IP6K3: variants seen among roughly 807,000 people sequenced by gnomAD.
IP6K3 encodes inositol hexakisphosphate kinase 3.
Under a neutral mutation model 28.8 loss-of-function variants are expected in IP6K3, and 20 were observed. The observed-to-expected ratio is 0.70, with a 90% CI of 0.49 to 1.01. The LOEUF (loss-of-function observed/expected upper bound fraction) is 1.01. Among genes scored for constraint, IP6K3 ranks in the 50% least tolerant of loss-of-function variants. The pLI is 0.00. For synonymous variants in IP6K3, 213 were observed against 221.3 expected (o/e 0.96, Z 0.33); for missense variants, 480 against 537.1 (o/e 0.89, Z 1.05).
chr6:33,726,840 G>A lies in IP6K3; in HGVS notation c.480C>T (p.Asp160=), dbSNP rs1300846866. The A allele has an allele frequency of 6.2e-7, 1 of 1,613,478 alleles. No homozygotes were observed. The highest frequency in any genetic ancestry group is 8.5e-7 in the Non-Finnish European group (1 of 1,179,602). The part of the protein sequence containing the change: ...LNTPAFSLVE[D]TNGNQVERKS... ...TCCTCTCAACCTGGTTTCCGTTGGTGTCTTCCACCAGCGAGAAGGCTGGAG... is the reference window on the plus strand; with the variant it reads ...TCCTCTCAACCTGGTTTCCGTTGGTATCTTCCACCAGCGAGAAGGCTGGAG... Residue 160 remains aspartate, a synonymous_variant, in exon 4 of 6, where the codon GAC becomes GAT. Coordinates refer to ENST00000293756, the MANE Select transcript of IP6K3 (RefSeq NM_054111.5).
At chr6:33,748,348 T>C (rs1367004690), upstream of IP6K3, among the ~76,000 whole-genome samples, 1 of 152,036 alleles carries the variant, frequency 6.6e-6, no homozygotes, top group African/African-American at 2.4e-5. Flanking sequence ...AGAGGTAAGA[T>C]GGGGCAGGTG....
At chr6:33,724,842 C>A (rs553957247) in intron 5 of IP6K3, among the ~76,000 whole-genome samples, 2 of 152,310 alleles carry the variant, frequency 1.3e-5, no homozygotes, top group Non-Finnish European at 2.9e-5. Context: ...ACAACATGAG[C>A]AGGAGCCACA....
intron 1 of IP6K3, among the ~76,000 whole-genome samples, chr6:33,738,698 G>A (rs564073777): frequency 3.3e-4 from 50 of 152,268 alleles, no homozygotes; most frequent in Middle Eastern, 6.8e-3. Context: ...CAGAGTGTGC[G>A]TCCCGGCCAC....
At chr6:33,755,040 T>C in the IP6K3 span, among the ~76,000 whole-genome samples, 17 of 152,304 alleles carry the variant, frequency 1.1e-4, no homozygotes, top group Admixed American at 9.8e-4. Flanking sequence ...CCTGGGAAGC[T>C]GCCGCAGCCA....
the IP6K3 span, among the ~76,000 whole-genome samples, chr6:33,761,276 C>T: frequency 5.9e-5 from 9 of 152,086 alleles, no homozygotes; most frequent in African/African-American, 2.2e-4. Flanking sequence ...GCCCACCTGC[C>T]AGGGACCCAT....
the IP6K3 span, among the ~76,000 whole-genome samples, chr6:33,761,907 G>A: frequency 1.3e-5 from 2 of 152,148 alleles, no homozygotes; most frequent in African/African-American, 4.8e-5. Context: ...GCTCAGTGCT[G>A]GGGATGGGGC....
upstream of IP6K3, among the ~76,000 whole-genome samples, chr6:33,750,896 C>T (rs1188991112): frequency 6.6e-6 from 1 of 152,170 alleles, no homozygotes; most frequent in Non-Finnish European, 1.5e-5. This position sits in a 1 kb window ranked among gnomAD's most constrained non-coding sequence, Gnocchi z 4.3. Flanking sequence ...AGACAACAAC[C>T]TCCACCTCAT....
rs1766905808 is a variant in IP6K3, at chr6:33,746,307, A to G, written c.-180+451T>C. Among the ~76,000 whole-genome samples, 1 of 152,124 alleles carries G rather than the reference A, an allele frequency of 6.6e-6. No individual in the cohort carries two copies. The highest frequency in any genetic ancestry group is 1.5e-5 in the Non-Finnish European group (1 of 68,002). ...CGTGGAAAGCTGGGGCTGCTGGGCT[A>G]GGACATGCTGTTCCTGTGCCCAGGG... On this transcript the variant is annotated intron_variant, in intron 1 of 5. Transcript: ENST00000293756. The surrounding 1 kb of genome is among the most constrained non-coding windows in gnomAD (Gnocchi z 6.5).
At chr6:33,751,052 C>T (rs1767014447), upstream of IP6K3, among the ~76,000 whole-genome samples, 1 of 152,202 alleles carries the variant, frequency 6.6e-6, no homozygotes, top group South Asian at 2.1e-4. The surrounding 1 kb of genome is among the most constrained non-coding windows in gnomAD (Gnocchi z 4.3). Flanking sequence ...CCTTCCTTCT[C>T]CTCCCCGCCG....
At chr6:33,747,360 CAGTT>C (rs1399340896), upstream of IP6K3, among the ~76,000 whole-genome samples, 1 of 152,160 alleles carries the variant, frequency 6.6e-6, no homozygotes, top group East Asian at 1.9e-4. The surrounding 1 kb of genome is among the most constrained non-coding windows in gnomAD (Gnocchi z 5.2). Context: ...AGTCAACAGT[CAGTT>C]AGACTGAGGA....
At chr6:33,757,709 G>A in the IP6K3 span, among the ~76,000 whole-genome samples, 1 of 152,126 alleles carries the variant, frequency 6.6e-6, no homozygotes. Flanking sequence ...CCAACTAAAT[G>A]TGATAGCAAA....
At chr6:33,751,960 CAGCGCTGGGT>C in the IP6K3 span, among the ~76,000 whole-genome samples, 4 of 152,178 alleles carry the variant, frequency 2.6e-5, no homozygotes, top group Non-Finnish European at 4.4e-5. The surrounding 1 kb of genome is among the most constrained non-coding windows in gnomAD (Gnocchi z 4.3). Flanking sequence ...GCTCTCCCAG[CAGCGCTGGGT>C]CATTCATCCA....
Position 33,734,549 on chromosome 6 carries a change from G to A in IP6K3, c.199+729C>T, listed in dbSNP as rs75410080. Among the ~76,000 whole-genome samples, 239 of 152,330 alleles carry A rather than the reference G, an allele frequency of 1.6e-3. 4 individuals carry two copies. In the East Asian group the frequency reaches 0.023, roughly 15 times the overall value. ...TATTTCTCTGAGCACTCACCTCACT[G>A]CTGGGCCGGCTGCCTGGCAGAGTGT... On this transcript the variant is annotated intron_variant, in intron 2 of 5. Transcript: ENST00000293756.
chr6:33,722,305 G>C lies in IP6K3; in HGVS notation c.*415C>G. On this transcript the variant is annotated 3_prime_UTR_variant, in exon 6 of 6. Transcript: ENST00000293756. The stretch of plus-strand genomic sequence containing the variant: ...GTCCATACAAGGAGAAAAACCATGA[G>C]CTCATGAACTCACTCTTCAAGGCTG... The C allele has an allele frequency of 5.9e-6, 1 of 170,516 alleles. No homozygotes were observed. Among genetic ancestry groups the C allele is most frequent in the Non-Finnish European group, 1.3e-5 (1 of 77,812 alleles). 10.6% of individuals were successfully genotyped at this position (170,516 alleles called of 1,614,324 possible). A position where few individuals can be genotyped will look rare whatever the true frequency, so the allele number is the denominator to read the frequency against.
the IP6K3 span, among the ~76,000 whole-genome samples, chr6:33,753,661 C>T: frequency 6.6e-6 from 1 of 152,210 alleles, no homozygotes; most frequent in African/African-American, 2.4e-5. Flanking sequence ...CCCATTTCAA[C>T]TGAAGCCAGG....
At position 33,722,716 on chromosome 6, in the gene IP6K3, A is replaced by G; in HGVS notation, c.*4T>C. On this transcript the variant is annotated 3_prime_UTR_variant, in exon 6 of 6. Transcript: ENST00000293756. Reference sequence around the variant, plus strand: ...CAGAAGAATCCAGATAAGCCCAGGAAGTTTCATTCTCCCTCTTGGATATCC... The same window carrying G: ...CAGAAGAATCCAGATAAGCCCAGGAGGTTTCATTCTCCCTCTTGGATATCC... The G allele has an allele frequency of 1.3e-6, 2 of 1,583,716 alleles. No individual in the cohort carries two copies. The highest frequency in any genetic ancestry group is 1.7e-6 in the Non-Finnish European group (2 of 1,158,640).
chr6:33,729,339 C>T (rs949124812), intron 2 of IP6K3, among the ~76,000 whole-genome samples: 2 of 152,200 alleles, frequency 1.3e-5, no homozygotes, highest in African/African-American at 4.8e-5. Context: ...AATACATGTC[C>T]TCTCTCCTAA....
In IP6K3 at chr6:33,742,420, A is replaced by C. The variant is rs1766758776; in HGVS notation, c.-180+4338T>G. 6.6e-6 allele frequency among the ~76,000 whole-genome samples: 1 copy of C among 152,146 alleles called. No homozygotes were observed. The highest frequency in any genetic ancestry group is 1.5e-5 in the Non-Finnish European group (1 of 68,014). ...ACCTGTGTCAGGATAGGGAGCTTTC[A>C]GAAGCTGCACCTGACTGGGCAGCAA... On this transcript the variant is annotated intron_variant, in intron 1 of 5. Transcript: ENST00000293756. This position sits in a 1 kb window ranked among gnomAD's most constrained non-coding sequence, Gnocchi z 4.5.
At chr6:33,755,978 C>T in the IP6K3 span, among the ~76,000 whole-genome samples, 17 of 152,190 alleles carry the variant, frequency 1.1e-4, no homozygotes, top group Admixed American at 8.5e-4. Flanking sequence ...AGTTCTCCTG[C>T]CTCAGCCTCC....
Sources: allele counts gnomAD v4.1 joint callset (sites outside exome capture counted in the v4.1 genomes callset), GRCh38; gene constraint gnomAD v4.1.1; non-coding constraint Gnocchi (gnomAD v3.1); transcripts MANE v1.5; gene names NCBI Gene and HGNC (gene_info 2026-07-23, HGNC 2026-07-21).